The following ELP1 variants were observed in gnomAD, a reference collection of about 807,000 sequenced individuals.
ELP1 encodes elongator complex protein 1.
Under a neutral mutation model 183.2 loss-of-function variants are expected in ELP1, and 131 were observed. That is an observed-to-expected ratio of 0.72 (90% CI 0.62 to 0.83). The LOEUF is 0.83. ELP1 is among the 40% of genes least tolerant of loss of function. ELP1 has a pLI of 0.00. For missense variants in ELP1, 1,550 were observed against 1,594.9 expected (o/e 0.97, Z 0.48); for synonymous variants, 555 against 569.0 (o/e 0.98, Z 0.35).
At chr9:108,897,333 A>T in intron 22 of ELP1, 48 bp from the exon 23 acceptor site, 1 of 1,608,254 alleles carries the variant, frequency 6.2e-7, no homozygotes, top group Non-Finnish European at 8.5e-7. Context: ...CATGTAGCCC[A>T]GCGATCAAAT....
At chr9:108,900,453 A>G (rs754144199) in intron 18 of ELP1, 78 bp from the exon 19 acceptor site, 1 of 955,964 alleles carries the variant, frequency 1.0e-6, no homozygotes, top group Non-Finnish European at 1.7e-6. Context: ...AACCGCACAC[A>G]TTATGTGAAA....
In ELP1 at chr9:108,899,915, T is replaced by C; in HGVS notation, c.2131-20A>G. On this transcript the variant is annotated intron_variant, in intron 19 of 36. Coordinates refer to ENST00000374647, the MANE Select transcript of ELP1 (RefSeq NM_003640.5). ...TGGCATCTTAAATAAATTAAAGCAG[T>C]AACATTTTTAATTAAGTAGAAAACA... is the stretch of plus-strand genomic sequence containing the variant. The C allele has an allele frequency of 6.3e-7, 1 of 1,594,476 alleles. No individual in the cohort carries two copies. Among genetic ancestry groups the C allele is most frequent in the Non-Finnish European group, 8.6e-7 (1 of 1,162,436 alleles).
At chr9:108,889,517 G>A (rs1828244591) in intron 28 of ELP1, 124 bp from the exon 29 acceptor site, 1 of 848,800 alleles carries the variant, frequency 1.2e-6, no homozygotes, top group Non-Finnish European at 2.0e-6. Context: ...GAGGGAATAG[G>A]TATATACACC....
chr9:108,876,205 C>T (rs754671209), intron 35 of ELP1, among the ~76,000 whole-genome samples: 2 of 151,998 alleles, frequency 1.3e-5, no homozygotes, highest in South Asian at 2.1e-4. Flanking sequence ...GAGCCCGGGG[C>T]GGTGGATGCT....
At chr9:108,911,239 C>A in intron 11 of ELP1, 59 bp from the exon 12 acceptor site, 1 of 1,480,082 alleles carries the variant, frequency 6.8e-7, no homozygotes, top group South Asian at 1.2e-5. Flanking sequence ...GTAAGATAAG[C>A]CATCTGAACA....
chr9:108,890,608 G>A (rs10816761), intron 28 of ELP1, among the ~76,000 whole-genome samples: 33,084 of 152,016 alleles, frequency 0.22, 4,022 homozygotes, highest in African/African-American at 0.32. Flanking sequence ...CCTCTGGTTC[G>A]GGCAACCCTT....
chr9:108,899,991 C>G, intron 19 of ELP1, 96 bp from the exon 20 acceptor site: 2 of 976,190 alleles, frequency 2.0e-6, no homozygotes, highest in Non-Finnish European at 3.2e-6. Context: ...AGAGAATTAC[C>G]ACAACTCTCT....
At chr9:108,884,096 G>A (rs938647115) in intron 29 of ELP1, among the ~76,000 whole-genome samples, 5 of 151,312 alleles carry the variant, frequency 3.3e-5, no homozygotes, top group Non-Finnish European at 2.9e-5. Flanking sequence ...GATAGAAAAA[G>A]ATATGCAATG....
At chr9:108,932,279 A>G (rs978976747) in intron 1 of ELP1, among the ~76,000 whole-genome samples, 2 of 152,216 alleles carry the variant, frequency 1.3e-5, no homozygotes, top group African/African-American at 4.8e-5. Context: ...GATTTTAGTA[A>G]GTTTTGGTGA....
chr9:108,908,457 A>ATAC, intron 12 of ELP1, 53 bp from the exon 13 acceptor site: 1 of 1,316,714 alleles, frequency 7.6e-7, no homozygotes. Flanking sequence ...ATTTCACCTA[A>ATAC]TACTAAGGGG....
intron 16 of ELP1, among the ~76,000 whole-genome samples, chr9:108,902,127 A>C (rs551789807): frequency 3.3e-4 from 50 of 152,364 alleles, no homozygotes; most frequent in Admixed American, 2.9e-3. Context: ...AGCTCCAGCC[A>C]CAATACTTCC....
At chr9:108,910,932 A>G in intron 12 of ELP1, 78 bp downstream of exon 12, 1 of 1,314,858 alleles carries the variant, frequency 7.6e-7, no homozygotes, top group African/African-American at 1.4e-5. Context: ...CTATGGCAAC[A>G]CCAAACTATA....
intron 2 of ELP1, 72 bp downstream of exon 2, chr9:108,930,925 G>T: frequency 6.8e-7 from 1 of 1,467,332 alleles, no homozygotes; most frequent in South Asian, 1.1e-5. Flanking sequence ...AAGACCATGT[G>T]GGGAAAGAAA....
chr9:108,900,649 C>T (rs1016243330), intron 18 of ELP1, among the ~76,000 whole-genome samples: 1 of 152,180 alleles, frequency 6.6e-6, no homozygotes, highest in Non-Finnish European at 1.5e-5. Flanking sequence ...GGCAACTTCT[C>T]TATTTCTTAG....
chr9:108,933,409 T>G (rs1449929462), intron 1 of ELP1, among the ~76,000 whole-genome samples: 13 of 152,212 alleles, frequency 8.5e-5, no homozygotes, highest in Non-Finnish European at 5.9e-5. Flanking sequence ...ACTCAGCCAC[T>G]GTCTCCACGG....
chr9:108,931,776 C>G (rs1363260250), intron 1 of ELP1, among the ~76,000 whole-genome samples: 2 of 152,162 alleles, frequency 1.3e-5, no homozygotes, highest in African/African-American at 4.8e-5. Flanking sequence ...GACATGACAA[C>G]AATTTACTTC....
At chr9:108,889,816 C>T (rs1280257035) in intron 28 of ELP1, 3 of 238,468 alleles carry the variant, frequency 1.3e-5, no homozygotes, top group African/African-American at 6.8e-5. Context: ...ACAGAGAACC[C>T]AAGGCTTTCG....
At chr9:108,905,008 T>A (rs1828965372) in intron 14 of ELP1, among the ~76,000 whole-genome samples, 1 of 152,230 alleles carries the variant, frequency 6.6e-6, no homozygotes, top group South Asian at 2.1e-4. Context: ...GAATTTCAAA[T>A]CTGAAGAAGT....
intron 15 of ELP1, among the ~76,000 whole-genome samples, chr9:108,903,268 T>A (rs975095001): frequency 1.3e-5 from 2 of 149,572 alleles, no homozygotes; most frequent in Admixed American, 1.3e-4. Context: ...GATGTTCTCC[T>A]TCCTGTGTCC....
Sources: gnomAD v4.1 joint callset for allele counts (sites outside exome capture counted in the v4.1 genomes callset) on GRCh38, gnomAD v4.1.1 for gene constraint, MANE v1.5 for transcripts, NCBI Gene and HGNC (gene_info 2026-07-23, HGNC 2026-07-21) for gene names.